ASIC2: variants seen among roughly 807,000 people sequenced by gnomAD.
ASIC2 encodes acid-sensing ion channel 2.
ASIC2 carries 25 observed loss-of-function variants against 57.3 expected under a neutral mutation model. The observed-to-expected ratio is 0.44, with a 90% confidence interval of 0.32 to 0.61. ASIC2 has a LOEUF of 0.61. ASIC2 is among the 20% of genes least tolerant of loss of function. The pLI, the probability that ASIC2 is intolerant of heterozygous loss-of-function variation, is 0.06. For synonymous variants in ASIC2, 319 were observed against 307.5 expected (o/e 1.04, Z -0.39); for missense variants, 641 against 738.1 (o/e 0.87, Z 1.52).
At chr17:33,129,682 C>G (rs1170268463) in intron 1 of ASIC2, among the ~76,000 whole-genome samples, 3 of 152,166 alleles carry the variant, frequency 2.0e-5, no homozygotes, top group Non-Finnish European at 2.9e-5. Flanking sequence ...GCAGATGCAT[C>G]TGAATGTGTG....
intron 1 of ASIC2, among the ~76,000 whole-genome samples, chr17:33,305,351 C>G (rs1390795744): frequency 6.6e-6 from 1 of 152,144 alleles, no homozygotes; most frequent in Non-Finnish European, 1.5e-5. Flanking sequence ...CATGAGTGAG[C>G]CCTTGTATTT....
At chr17:34,118,359 T>C (rs1357621482) in intron 1 of ASIC2, 1 of 152,200 alleles carries the variant, frequency 6.6e-6, no homozygotes, top group Non-Finnish European at 1.5e-5. Flanking sequence ...TTTTTTCTTT[T>C]TCTTTATTTT....
intron 1 of ASIC2, among the ~76,000 whole-genome samples, chr17:34,129,450 G>A (rs766791355): frequency 4.6e-5 from 7 of 152,132 alleles, no homozygotes; most frequent in Non-Finnish European, 8.8e-5. Flanking sequence ...GGACATGACC[G>A]CATTTGATAT....
At chr17:33,442,017 T>C (rs971765836) in intron 1 of ASIC2, among the ~76,000 whole-genome samples, 3 of 152,218 alleles carry the variant, frequency 2.0e-5, no homozygotes. Context: ...CCAGCATTGC[T>C]TGTTGAACAA....
At position 33,370,281 on chromosome 17, in the gene ASIC2, A is replaced by C. The variant is rs568166879; in HGVS notation, c.556-258214T>G. ...ATGTTCTCCTCACAATGCTCCCTAA[A>C]TGACTTTTCTGATCAAAGAACACCA... On this transcript the variant is annotated intron_variant, in intron 1 of 9. Transcript: ENST00000359872. 3.3e-5 allele frequency among the ~76,000 whole-genome samples: 5 copies of C among 152,306 alleles called. No homozygotes were observed. In the East Asian group the frequency reaches 9.6e-4, roughly 29 times the overall value.
chr17:33,411,670 C>T lies in ASIC2; in HGVS notation c.556-299603G>A, dbSNP rs1212739061. Among the ~76,000 whole-genome samples, 8 of 152,138 alleles carry T rather than the reference C, an allele frequency of 5.3e-5. No homozygotes were observed. In the East Asian group the frequency reaches 1.5e-3, roughly 29 times the overall value. On this transcript the variant is annotated intron_variant, in intron 1 of 9. Coordinates refer to the ASIC2 transcript ENST00000359872. ...TTCAGTGGTTTAAGAACCAGAGGGG[C>T]AATAGGAAGAAAAAAATGAAGTCTT... is the stretch of plus-strand genomic sequence containing the variant.
chr17:33,405,632 C>T (rs999315379), intron 1 of ASIC2, among the ~76,000 whole-genome samples: 7 of 151,910 alleles, frequency 4.6e-5, no homozygotes, highest in East Asian at 1.9e-4. Context: ...TACAGGCGCC[C>T]GCCACCACAC....
At chr17:33,676,335 C>G (rs1490585053) in intron 1 of ASIC2, among the ~76,000 whole-genome samples, 2 of 152,192 alleles carry the variant, frequency 1.3e-5, no homozygotes, top group Non-Finnish European at 2.9e-5. Flanking sequence ...AATGATTATG[C>G]TTAGTGAGAA....
chr17:33,015,494 G>A (rs752133907), intron 9 of ASIC2, among the ~76,000 whole-genome samples: 8 of 152,190 alleles, frequency 5.3e-5, no homozygotes, highest in Non-Finnish European at 8.8e-5. Flanking sequence ...TGCCTGACAC[G>A]TACCAGGCAT....
chr17:33,036,950 C>T (rs371121883), intron 3 of ASIC2, among the ~76,000 whole-genome samples: 31 of 151,896 alleles, frequency 2.0e-4, no homozygotes, highest in South Asian at 6.2e-4. Flanking sequence ...GATTTAGAAT[C>T]GGAGGGAGAA....
chr17:33,661,883 T>C (rs1014646033), intron 1 of ASIC2, among the ~76,000 whole-genome samples: 20 of 152,242 alleles, frequency 1.3e-4, no homozygotes, highest in African/African-American at 4.8e-4. Flanking sequence ...AGAACTTACC[T>C]TGGTATCTAT....
intron 1 of ASIC2, among the ~76,000 whole-genome samples, chr17:33,578,632 T>C (rs929283297): frequency 6.6e-6 from 1 of 152,146 alleles, no homozygotes; most frequent in African/African-American, 2.4e-5. Context: ...GTTCAGTCAC[T>C]ATGTCATTAG....
intron 1 of ASIC2, among the ~76,000 whole-genome samples, chr17:33,188,506 AG>A (rs1227258912): frequency 6.6e-6 from 1 of 152,158 alleles, no homozygotes; most frequent in Non-Finnish European, 1.5e-5. Flanking sequence ...ATCACATCAA[AG>A]CATATCAAAA....
At chr17:33,130,111 G>A (rs1238845166) in intron 1 of ASIC2, among the ~76,000 whole-genome samples, 1 of 152,176 alleles carries the variant, frequency 6.6e-6, no homozygotes, top group Non-Finnish European at 1.5e-5. Context: ...GGCTCTGGGT[G>A]TCTTCTTTAG....
intron 1 of ASIC2, chr17:33,980,957 G>A (rs2142004092): frequency 3.1e-5 from 1 of 32,770 alleles, no homozygotes. Context: ...TTTTTTTTTA[G>A]ACAGAATCTT....
chr17:34,057,032 A>G (rs4795851), intron 1 of ASIC2, among the ~76,000 whole-genome samples: 20,724 of 152,230 alleles, frequency 0.14, 1,548 homozygotes, highest in East Asian at 0.31. Context: ...CTGAAGCCAT[A>G]GGTGAGTTGT....
intron 1 of ASIC2, among the ~76,000 whole-genome samples, chr17:33,405,414 A>G (rs190311972): frequency 6.6e-6 from 1 of 151,822 alleles, no homozygotes; most frequent in East Asian, 1.9e-4. Flanking sequence ...AACTGGAGAG[A>G]GATCACCCCT....
intron 1 of ASIC2, among the ~76,000 whole-genome samples, chr17:33,876,469 T>G (rs2141935742): frequency 6.6e-6 from 1 of 152,230 alleles, no homozygotes; most frequent in Admixed American, 6.5e-5. Flanking sequence ...CAAAACAAAC[T>G]TGAGTAATTT....
chr17:33,174,765 A>G (rs1045598674), intron 1 of ASIC2, among the ~76,000 whole-genome samples: 1 of 152,194 alleles, frequency 6.6e-6, no homozygotes, highest in African/African-American at 2.4e-5. Flanking sequence ...GCTCATATGG[A>G]GATGGAGCCT....
Sources: allele counts gnomAD v4.1 joint callset (sites outside exome capture counted in the v4.1 genomes callset), GRCh38; gene constraint gnomAD v4.1.1; transcripts MANE v1.5; gene names NCBI Gene and HGNC (gene_info 2026-07-23, HGNC 2026-07-21).